The following RCL1 variants were observed in gnomAD, a reference collection of about 807,000 sequenced individuals.
RCL1 encodes RNA terminal phosphate cyclase like 1.
Under a neutral mutation model 42.4 loss-of-function variants are expected in RCL1, and 24 were observed. The observed-to-expected ratio is 0.57, with a 90% CI of 0.41 to 0.80. The LOEUF is 0.80. RCL1 is among the 30% of genes least tolerant of loss of function. The pLI is 0.00. For synonymous variants in RCL1, 228 were observed against 177.3 expected, an observed-to-expected ratio of 1.29 and a Z score of -2.27; for missense variants, 578 against 467.9, an observed-to-expected ratio of 1.24 and a Z score of -2.17.
intron 1 of RCL1, among the ~76,000 whole-genome samples, chr9:4,802,011 C>T (rs1301939685): frequency 2.0e-5 from 3 of 151,120 alleles, no homozygotes; most frequent in Non-Finnish European, 2.9e-5. Flanking sequence ...CAGGTTCCAG[C>T]GATTCTCCTG....
At chr9:4,821,662 A>G (rs1587708870) in intron 1 of RCL1, among the ~76,000 whole-genome samples, 1 of 151,848 alleles carries the variant, frequency 6.6e-6, no homozygotes, top group Non-Finnish European at 1.5e-5. Flanking sequence ...TTTTCCCCCC[A>G]GAGATGGGCA....
chr9:4,828,079 G>A (rs1251558739), intron 3 of RCL1, among the ~76,000 whole-genome samples: 1 of 151,660 alleles, frequency 6.6e-6, no homozygotes, highest in African/African-American at 2.4e-5. Flanking sequence ...CCAGCTACTC[G>A]GGAGACTGAG....
Position 4,793,232 on chromosome 9 carries a change from C to G in RCL1, c.136+5C>G. 3 of 1,591,604 alleles carry G rather than the reference C, an allele frequency of 1.9e-6. No homozygotes were observed. Among genetic ancestry groups the G allele is most frequent in the Non-Finnish European group, 2.6e-6 (3 of 1,169,070 alleles). On this transcript the variant is annotated splice_donor_5th_base_variant and intron_variant, in intron 1 of 8. Transcript: ENST00000381750. ...ACGACAACCCGGGCCTCCGAGGTAACTTGGTGTGGGCGGCGCGCGGCGTGG... is the reference window on the plus strand; with the variant it reads ...ACGACAACCCGGGCCTCCGAGGTAAGTTGGTGTGGGCGGCGCGCGGCGTGG...
chr9:4,801,810 C>G (rs1381182749), intron 1 of RCL1, among the ~76,000 whole-genome samples: 2 of 150,834 alleles, frequency 1.3e-5, no homozygotes, highest in African/African-American at 2.4e-5. Flanking sequence ...GCTTTTGTGC[C>G]TTTGTACAAA....
At chr9:4,820,607 A>C (rs1011556297) in intron 1 of RCL1, among the ~76,000 whole-genome samples, 9 of 152,156 alleles carry the variant, frequency 5.9e-5, no homozygotes, top group Non-Finnish European at 1.3e-4. Context: ...TAATTTGTAA[A>C]AATCTGTGGG....
At chr9:4,794,919 G>C (rs988581629) in intron 1 of RCL1, among the ~76,000 whole-genome samples, 1 of 152,196 alleles carries the variant, frequency 6.6e-6, no homozygotes, top group Non-Finnish European at 1.5e-5. Flanking sequence ...AGGTAGAACT[G>C]CTTGGCAGGT....
At chr9:4,826,802 T>G in intron 2 of RCL1, 56 bp from the exon 3 acceptor site, 1 of 1,467,986 alleles carries the variant, frequency 6.8e-7, no homozygotes, top group East Asian at 2.3e-5. Flanking sequence ...TTCATTACCT[T>G]TGTGACATTT....
intron 5 of RCL1, among the ~76,000 whole-genome samples, chr9:4,838,277 C>T (rs778677330): frequency 1.3e-5 from 2 of 152,192 alleles, no homozygotes; most frequent in African/African-American, 2.4e-5. Context: ...ACAAGATGAC[C>T]TACCAGCCAG....
At chr9:4,844,275 A>G (rs1407900343) in intron 6 of RCL1, among the ~76,000 whole-genome samples, 1 of 152,098 alleles carries the variant, frequency 6.6e-6, no homozygotes, top group Admixed American at 6.6e-5. Context: ...TGTCTACTTA[A>G]CAGTCATTGG....
chr9:4,804,391 C>T (rs1005055496), intron 1 of RCL1: 3 of 152,388 alleles, frequency 2.0e-5, no homozygotes, highest in Non-Finnish European at 4.4e-5. Context: ...TGGGTGCCGG[C>T]ACGGCTGCCT....
chr9:4,818,857 G>A (rs1379216199), intron 1 of RCL1, among the ~76,000 whole-genome samples: 2 of 132,580 alleles, frequency 1.5e-5, no homozygotes, highest in African/African-American at 3.0e-5. Context: ...GGGCAACGCA[G>A]CAAGACTCTG....
At chr9:4,843,841 A>G (rs1817416222) in intron 6 of RCL1, among the ~76,000 whole-genome samples, 1 of 152,142 alleles carries the variant, frequency 6.6e-6, no homozygotes, top group Non-Finnish European at 1.5e-5. Flanking sequence ...CTCAAAGGCA[A>G]TTTGGGATTA....
intron 1 of RCL1, 34 bp downstream of exon 1, chr9:4,793,261 CG>C: frequency 6.4e-7 from 1 of 1,558,338 alleles, no homozygotes; most frequent in East Asian, 2.4e-5. Flanking sequence ...GGCGTGGGCG[CG>C]GGGGCTGAGG....
At chr9:4,851,444 T>C (rs965058415) in intron 8 of RCL1, among the ~76,000 whole-genome samples, 3 of 152,208 alleles carry the variant, frequency 2.0e-5, no homozygotes, top group Non-Finnish European at 4.4e-5. Flanking sequence ...TGTTTCATAC[T>C]CTTTCTGCCC....
intron 6 of RCL1, among the ~76,000 whole-genome samples, chr9:4,842,804 T>G (rs960938052): frequency 2.0e-5 from 3 of 152,216 alleles, no homozygotes; most frequent in Non-Finnish European, 4.4e-5. Flanking sequence ...GGAGGACAGA[T>G]AGCAGCAGAA....
intron 1 of RCL1, among the ~76,000 whole-genome samples, chr9:4,821,962 A>C (rs923397142): frequency 1.3e-5 from 2 of 152,250 alleles, no homozygotes; most frequent in Non-Finnish European, 1.5e-5. Context: ...GAGAACATTC[A>C]AACCATAGCA....
At chr9:4,830,488 A>G (rs553834159) in intron 3 of RCL1, among the ~76,000 whole-genome samples, 13 of 152,316 alleles carry the variant, frequency 8.5e-5, no homozygotes, top group African/African-American at 2.4e-4. Flanking sequence ...GAGAATAGAA[A>G]GTGGGGAGAA....
chr9:4,825,077 C>A (rs967595117), intron 2 of RCL1, among the ~76,000 whole-genome samples: 1 of 149,572 alleles, frequency 6.7e-6, no homozygotes, highest in Non-Finnish European at 1.5e-5. Flanking sequence ...ATACCTGGCT[C>A]ATTTTTTTTT....
chr9:4,811,441 C>T lies in RCL1; in HGVS notation c.137-12107C>T, dbSNP rs544260745. Among the ~76,000 whole-genome samples, 77 of 152,168 alleles carry T rather than the reference C, an allele frequency of 5.1e-4. 1 individual carries two copies. Among genetic ancestry groups the T allele is most frequent in the East Asian group, 1.5e-3 (8 of 5,174 alleles). Reference sequence around the variant, plus strand: ...TCCTTCCTTCTCCCCTCCCTTTCCCCGCCTCTAGTAACCACTATTCTATCC... The same window carrying T: ...TCCTTCCTTCTCCCCTCCCTTTCCCTGCCTCTAGTAACCACTATTCTATCC... On this transcript the variant is annotated intron_variant, in intron 1 of 8. Coordinates refer to ENST00000381750, the MANE Select transcript of RCL1 (RefSeq NM_005772.5).
Sources: allele counts gnomAD v4.1 joint callset (sites outside exome capture counted in the v4.1 genomes callset), GRCh38; gene constraint gnomAD v4.1.1; transcripts MANE v1.5; gene names NCBI Gene and HGNC (gene_info 2026-07-23, HGNC 2026-07-21).